The following CNN3 variants were observed in gnomAD, a reference collection of about 807,000 sequenced individuals.
The protein encoded by CNN3 is calponin-3.
A neutral mutation model predicts 39.0 loss-of-function variants in CNN3; 11 were observed. That is an observed-to-expected ratio of 0.28 (90% CI 0.18 to 0.47). The LOEUF (loss-of-function observed/expected upper bound fraction) is 0.47, where lower values mean the gene tolerates loss of function less well. CNN3 is among the 20% of genes least tolerant of loss of function. CNN3 has a pLI of 0.99. For synonymous variants in CNN3, 101 were observed against 138.3 expected, an observed-to-expected ratio of 0.73 and a Z score of 1.89; for missense variants, 266 against 403.4, an observed-to-expected ratio of 0.66 and a Z score of 2.92.
At chr1:94,906,152 T>G (rs1017592722) in intron 1 of CNN3, among the ~76,000 whole-genome samples, 12 of 151,740 alleles carry the variant, frequency 7.9e-5, no homozygotes, top group Admixed American at 5.9e-4. Context: ...CACGCTAATT[T>G]TCATGTTTTT....
chr1:94,905,795 A>G (rs1318314811), intron 1 of CNN3, among the ~76,000 whole-genome samples: 7 of 152,158 alleles, frequency 4.6e-5, no homozygotes, highest in Non-Finnish European at 1.0e-4. Context: ...TCCTGGTCTC[A>G]TGCAATCCTC....
intron 1 of CNN3, among the ~76,000 whole-genome samples, chr1:94,910,685 G>T (rs888793693): frequency 6.6e-6 from 1 of 152,150 alleles, no homozygotes; most frequent in South Asian, 2.1e-4. Context: ...CTGAACCCAG[G>T]TCACCCCATT....
chr1:94,907,890 T>A (rs111385225), intron 1 of CNN3, among the ~76,000 whole-genome samples: 1 of 152,044 alleles, frequency 6.6e-6, no homozygotes, highest in African/African-American at 2.4e-5. Context: ...AAATAAAAAT[T>A]ACTCTTCCAA....
intron 1 of CNN3, among the ~76,000 whole-genome samples, chr1:94,905,260 G>C: frequency 6.6e-6 from 1 of 152,146 alleles, no homozygotes; most frequent in East Asian, 1.9e-4. Context: ...GTTCCTTTTT[G>C]TGTCCATCAA....
At chr1:94,898,369 C>T (rs1269324660) in intron 6 of CNN3, among the ~76,000 whole-genome samples, 2 of 152,140 alleles carry the variant, frequency 1.3e-5, no homozygotes, top group Non-Finnish European at 1.5e-5. Context: ...GTTTCTCAAA[C>T]TGCAAAATGG....
At chr1:94,914,414 T>C (rs768077601) in intron 1 of CNN3, among the ~76,000 whole-genome samples, 5 of 152,210 alleles carry the variant, frequency 3.3e-5, no homozygotes, top group Non-Finnish European at 7.3e-5. Flanking sequence ...TTCGCTGTAT[T>C]GTTCTGAAGG....
rs1444771087 is a variant in CNN3 at position 94,903,539 on chromosome 1, A to G, written c.58-15T>C. 9 of 1,613,730 alleles carry G rather than the reference A, an allele frequency of 5.6e-6. No homozygotes were observed. The highest frequency in any genetic ancestry group is 7.6e-6 in the Non-Finnish European group (9 of 1,179,812). ...TTGGAAGCAATCTGAAATACAGGTTAACTCACTTTAGAAGAATTTCACAAA... is the reference window on the plus strand; with the variant it reads ...TTGGAAGCAATCTGAAATACAGGTTGACTCACTTTAGAAGAATTTCACAAA... On this transcript the variant is annotated splice_polypyrimidine_tract_variant and intron_variant, in intron 1 of 6. Transcript: ENST00000370206.
chr1:94,916,481 G>T (rs1671282003), intron 1 of CNN3, among the ~76,000 whole-genome samples: 1 of 152,164 alleles, frequency 6.6e-6, no homozygotes, highest in South Asian at 2.1e-4. Flanking sequence ...GCCAAATCCA[G>T]TGGCCTGTCT....
intron 6 of CNN3, among the ~76,000 whole-genome samples, chr1:94,898,482 C>T (rs1042136071): frequency 6.6e-6 from 1 of 152,166 alleles, no homozygotes; most frequent in Non-Finnish European, 1.5e-5. Context: ...CCCATGGGGA[C>T]CACATACATT....
intron 1 of CNN3, among the ~76,000 whole-genome samples, chr1:94,909,275 T>A (rs536423773): frequency 6.6e-6 from 1 of 152,298 alleles, no homozygotes; most frequent in South Asian, 2.1e-4. Flanking sequence ...AAAAAAATCT[T>A]AAGACAATAC....
intron 6 of CNN3, among the ~76,000 whole-genome samples, chr1:94,898,743 C>T (rs978293155): frequency 1.3e-5 from 2 of 152,120 alleles, no homozygotes; most frequent in South Asian, 2.1e-4. Context: ...ATGCCGCACC[C>T]GGTAGGATGT....
At position 94,926,775 on chromosome 1, in the gene CNN3, C is replaced by G; in HGVS notation, c.57+63G>C. 1.2e-5 allele frequency: 18 copies of G among 1,540,978 alleles called. No individual in the cohort carries two copies. The highest frequency in any genetic ancestry group is 1.6e-5 in the Non-Finnish European group (18 of 1,127,378). ...AGCGCGAAGAGCAAACGAAGCACGG[C>G]CCAGCGCCAGGCCAGCCCAAGGGTG... On this transcript the variant is annotated intron_variant, in intron 1 of 6. Coordinates refer to ENST00000370206, the MANE Select transcript of CNN3 (RefSeq NM_001839.5). The surrounding 1 kb of genome is among the most constrained non-coding windows in gnomAD (Gnocchi z 4.2).
In CNN3 at chr1:94,927,079, G is replaced by C. The variant is rs1481060576; in HGVS notation, c.-185C>G. ...CGACTGGGTCCAACTGGGTGCTACA[G>C]AGCCTCGAGCTCCGCTGCGAAGCAC... On this transcript the variant is annotated 5_prime_UTR_variant, in exon 1 of 7. Transcript: ENST00000370206. 1 of 555,460 alleles carries C rather than the reference G, an allele frequency of 1.8e-6. No individual in the cohort carries two copies. The highest frequency in any genetic ancestry group is 2.0e-5 in the African/African-American group (1 of 49,636). The allele number at this position is 555,460 out of a possible 1,614,324, so 34.4% of individuals were successfully genotyped here.
chr1:94,914,529 C>T (rs544461992), intron 1 of CNN3, among the ~76,000 whole-genome samples: 23 of 152,260 alleles, frequency 1.5e-4, no homozygotes, highest in East Asian at 1.2e-3. Flanking sequence ...AAACACCACG[C>T]GGCTCCTTTA....
intron 1 of CNN3, among the ~76,000 whole-genome samples, chr1:94,922,692 T>C (rs140915271): frequency 1.3e-5 from 2 of 152,186 alleles, no homozygotes; most frequent in East Asian, 1.9e-4. Flanking sequence ...CCTGGGTTAC[T>C]CTGATCAGAA....
chr1:94,899,632 G>A lies in CNN3; in HGVS notation c.502-115C>T. ...GAAGGGGCACAACCGACAAGTTACT[G>A]AGCTGAGGCTCCAGTCAACTCTTCT... On this transcript the variant is annotated intron_variant, in intron 5 of 6. Transcript: ENST00000370206. 6.7e-6 allele frequency: 7 copies of A among 1,038,748 alleles called. No individual in the cohort carries two copies. The South Asian group carries it at 6.7e-5, about 10-fold the overall frequency. The allele number at this position is 1,038,748 out of a possible 1,614,324, so 64.3% of individuals were successfully genotyped here.
At chr1:94,913,305 C>T (rs1671209531) in intron 1 of CNN3, among the ~76,000 whole-genome samples, 1 of 152,172 alleles carries the variant, frequency 6.6e-6, no homozygotes, top group South Asian at 2.1e-4. Flanking sequence ...AACGGGTGCG[C>T]ATGGAGTTCA....
At chr1:94,918,432 T>C (rs1671345285) in intron 1 of CNN3, among the ~76,000 whole-genome samples, 1 of 133,270 alleles carries the variant, frequency 7.5e-6, no homozygotes, top group South Asian at 2.4e-4. Context: ...AGGCAGAGGT[T>C]ACAACGAGCC....
intron 1 of CNN3, 50 bp from the exon 2 acceptor site, chr1:94,903,574 A>C: frequency 1.2e-6 from 2 of 1,610,362 alleles, no homozygotes; most frequent in Non-Finnish European, 1.7e-6. Context: ...AAGCATCAGA[A>C]ACTGCCGACT....
Sources: allele counts gnomAD v4.1 joint callset (sites outside exome capture counted in the v4.1 genomes callset), GRCh38; gene constraint gnomAD v4.1.1; non-coding constraint Gnocchi (gnomAD v3.1); transcripts MANE v1.5; gene names NCBI Gene and HGNC (gene_info 2026-07-23, HGNC 2026-07-21).